CADM1: variants seen among roughly 807,000 people sequenced by gnomAD.
CADM1 encodes the protein TSLC-1.
A neutral mutation model predicts 53.1 loss-of-function variants in CADM1; 15 were observed. The observed-to-expected ratio is 0.28, with a 90% CI of 0.19 to 0.44. The LOEUF is 0.44. Ranked by LOEUF, CADM1 falls within the 20% of genes least tolerant of loss-of-function variation. The pLI is 1.00. For missense variants in CADM1, 434 were observed against 611.3 expected, an observed-to-expected ratio of 0.71 and a Z score of 3.06; for synonymous variants, 281 against 243.0, an observed-to-expected ratio of 1.16 and a Z score of -1.45.
intron 1 of CADM1, among the ~76,000 whole-genome samples, chr11:115,493,738 G>A (rs957432166): frequency 6.6e-6 from 1 of 152,118 alleles, no homozygotes; most frequent in African/African-American, 2.4e-5. Flanking sequence ...TGTTTAATCT[G>A]AACTGAACCA....
In CADM1 at chr11:115,504,371, G is replaced by T. The variant is rs1344228267; in HGVS notation, c.24C>A (p.Ser8Arg). 31 of 1,547,554 alleles carry T rather than the reference G, an allele frequency of 2.0e-5. No homozygotes were observed. Among genetic ancestry groups the T allele is most frequent in the Non-Finnish European group, 2.6e-5 (30 of 1,146,236 alleles). Residue 8 changes from serine (S) to arginine (R), a missense_variant, in exon 1 of 12, where the codon AGC (serine) becomes AGA (arginine). Ser to Arg is a moderately radical substitution (Grantham distance 110). Around this residue, in one of 4 missense-constraint regions of CADM1, gnomAD observed 76 missense variants for 59.8 expected, o/e 1.27. Coordinates refer to ENST00000331581, the MANE Select transcript of CADM1 (RefSeq NM_001301043.2). Reference sequence around the variant, plus strand: ...CCGCTGCCGCCGCACACTGGGATCCGCTCGGCAGCACTACACTCGCCATGT... The same window carrying T: ...CCGCTGCCGCCGCACACTGGGATCCTCTCGGCAGCACTACACTCGCCATGT... MASVVLP[S>R]GSQCAAAAAA...
intron 1 of CADM1, among the ~76,000 whole-genome samples, chr11:115,291,097 G>A (rs1156984936): frequency 6.6e-6 from 1 of 152,210 alleles, no homozygotes; most frequent in East Asian, 1.9e-4. Context: ...TATGGGCATG[G>A]AGGAGGCTCT....
In CADM1 at chr11:115,489,660, C is replaced by G. The variant is rs563962281; in HGVS notation, c.124+14611G>C. 2.6e-5 allele frequency among the ~76,000 whole-genome samples: 4 copies of G among 152,096 alleles called. No homozygotes were observed. In the South Asian group the frequency reaches 6.2e-4, roughly 24 times the overall value. On this transcript the variant is annotated intron_variant, in intron 1 of 11. Coordinates refer to ENST00000331581, the MANE Select transcript of CADM1 (RefSeq NM_001301043.2). ...TGTCTATTGGTGGAAACAAGTTGGA[C>G]GAAATGTGTAGCGGGCATATAGAAG...
intron 1 of CADM1, among the ~76,000 whole-genome samples, chr11:115,295,332 G>A (rs1293440721): frequency 6.6e-6 from 1 of 150,998 alleles, no homozygotes; most frequent in East Asian, 2.0e-4. Flanking sequence ...CCTCATTTGT[G>A]ATCACTTGCC....
chr11:115,388,443 C>T (rs1946754674), intron 1 of CADM1, among the ~76,000 whole-genome samples: 1 of 152,100 alleles, frequency 6.6e-6, no homozygotes, highest in African/African-American at 2.4e-5. Context: ...TATTTGCATG[C>T]TCTTAAAGTG....
intron 1 of CADM1, among the ~76,000 whole-genome samples, chr11:115,458,141 CTA>C (rs1948719176): frequency 6.9e-6 from 1 of 143,956 alleles, no homozygotes; most frequent in African/African-American, 2.6e-5. Context: ...CTCTCTCTCT[CTA>C]ATTACACTGA....
chr11:115,341,902 T>C (rs1945458537), intron 1 of CADM1, among the ~76,000 whole-genome samples: 1 of 152,180 alleles, frequency 6.6e-6, no homozygotes, highest in Non-Finnish European at 1.5e-5. Context: ...AAATTACCAA[T>C]ACAAACTTAG....
chr11:115,280,541 A>T (rs1489005756), intron 1 of CADM1, among the ~76,000 whole-genome samples: 4 of 152,256 alleles, frequency 2.6e-5, no homozygotes, highest in Non-Finnish European at 5.9e-5. Flanking sequence ...GTCCTACCGA[A>T]TGAACTTTAC....
chr11:115,482,841 C>T (rs1206647979), intron 1 of CADM1, among the ~76,000 whole-genome samples: 1 of 152,172 alleles, frequency 6.6e-6, no homozygotes, highest in African/African-American at 2.4e-5. Flanking sequence ...AATAGGACTA[C>T]ACATGAAAAT....
In CADM1 at chr11:115,175,990, G is replaced by A; in HGVS notation, c.*484C>T. 1.9e-6 allele frequency: 2 copies of A among 1,038,884 alleles called. No homozygotes were observed. The highest frequency in any genetic ancestry group is 2.3e-6 in the Non-Finnish European group (2 of 863,236). The allele number at this position is 1,038,884 out of a possible 1,614,324, so 64.4% of individuals were successfully genotyped here. On this transcript the variant is annotated 3_prime_UTR_variant, in exon 12 of 12. Transcript: ENST00000331581. ...GAAACTGAATTTGGAACAGAAAGCA[G>A]TTACCATAAAAATAAACAAAAGTAA...
At chr11:115,426,473 C>T (rs990375337) in intron 1 of CADM1, among the ~76,000 whole-genome samples, 1 of 152,114 alleles carries the variant, frequency 6.6e-6, no homozygotes, top group Non-Finnish European at 1.5e-5. Context: ...TAAGTCTTAG[C>T]CTGTAAAGAA....
chr11:115,324,835 T>A (rs1030180608), intron 1 of CADM1, among the ~76,000 whole-genome samples: 4 of 152,162 alleles, frequency 2.6e-5, no homozygotes, highest in Non-Finnish European at 5.9e-5. Context: ...GTGTCTAGAT[T>A]GAAGCGCTGA....
chr11:115,500,920 C>T (rs1949713546), intron 1 of CADM1, among the ~76,000 whole-genome samples: 1 of 152,220 alleles, frequency 6.6e-6, no homozygotes, highest in Non-Finnish European at 1.5e-5. Context: ...AGAGAGGAAA[C>T]GAAAGTGTCC....
At chr11:115,468,295 C>G (rs545129831) in intron 1 of CADM1, among the ~76,000 whole-genome samples, 2 of 152,126 alleles carry the variant, frequency 1.3e-5, no homozygotes, top group Non-Finnish European at 2.9e-5. Context: ...CTTATATTCC[C>G]AGCACCACGT....
intron 5 of CADM1, among the ~76,000 whole-genome samples, chr11:115,218,720 A>C (rs45593334): frequency 0.2 from 29,968 of 152,136 alleles, 3,702 homozygotes; most frequent in South Asian, 0.34. Context: ...CTGATCCATA[A>C]GTGCATTTCC....
chr11:115,203,779 C>A (rs1350020088), intron 8 of CADM1, among the ~76,000 whole-genome samples: 3 of 152,052 alleles, frequency 2.0e-5, no homozygotes, highest in African/African-American at 7.2e-5. Context: ...GTATTCAAGT[C>A]TTTTCTCATT....
intron 1 of CADM1, among the ~76,000 whole-genome samples, chr11:115,301,048 G>A (rs910851568): frequency 2.0e-5 from 3 of 151,982 alleles, no homozygotes; most frequent in African/African-American, 7.2e-5. Flanking sequence ...TTGTACTTCA[G>A]GGGATTTACA....
intron 1 of CADM1, among the ~76,000 whole-genome samples, chr11:115,381,561 T>G (rs1946580367): frequency 6.6e-6 from 1 of 152,176 alleles, no homozygotes; most frequent in Non-Finnish European, 1.5e-5. Context: ...CTATTTGACC[T>G]TGGGAAAGTC....
chr11:115,339,134 G>C (rs1945353231), intron 1 of CADM1, among the ~76,000 whole-genome samples: 2 of 146,032 alleles, frequency 1.4e-5, no homozygotes, highest in African/African-American at 5.1e-5. Flanking sequence ...CTATGAGTGA[G>C]AATATGCGGT....
Sources: gnomAD v4.1 joint callset for allele counts (sites outside exome capture counted in the v4.1 genomes callset) on GRCh38, gnomAD v4.1.1 for gene constraint, gnomAD v4.1.1 regional missense constraint, MANE v1.5 for transcripts, NCBI Gene and HGNC (gene_info 2026-07-23, HGNC 2026-07-21) for gene names.